The following SERPINB8 variants were observed in gnomAD, a reference collection of about 807,000 sequenced individuals.
The protein encoded by SERPINB8 is serpin B8.
SERPINB8 carries 25 observed loss-of-function variants against 35.3 expected under a neutral mutation model. That is an observed-to-expected ratio of 0.71 (90% CI 0.52 to 0.99). The LOEUF is 0.99. Ranked by LOEUF, SERPINB8 falls within the 50% of genes least tolerant of loss-of-function variation. SERPINB8 has a pLI of 0.00. For synonymous variants in SERPINB8, 186 were observed against 160.8 expected, an observed-to-expected ratio of 1.16 and a Z score of -1.19; for missense variants, 484 against 446.5, an observed-to-expected ratio of 1.08 and a Z score of -0.76.
Position 63,988,462 on chromosome 18 carries a change from C to T in SERPINB8, c.*1184C>T, listed in dbSNP as rs2050794807. On this transcript the variant is annotated 3_prime_UTR_variant, in exon 7 of 7. Transcript: ENST00000397985. ...GTTTTGGATATACTAAATATTTGCT[C>T]ACATCCTTAATATATTTTTTAAAAT... 6.6e-6 allele frequency: 1 copy of T among 152,052 alleles called. No individual in the cohort carries two copies. Among genetic ancestry groups the T allele is most frequent in the African/African-American group, 2.4e-5 (1 of 41,380 alleles). The allele number at this position is 152,052 out of a possible 1,614,324, so 9.4% of individuals were successfully genotyped here. A position where few individuals can be genotyped will look rare whatever the true frequency, so the allele number is the denominator to read the frequency against.
At chr18:63,983,439 C>T (rs1381699784) in intron 4 of SERPINB8, 140 bp from the exon 5 acceptor site, 13 of 727,978 alleles carry the variant, frequency 1.8e-5, no homozygotes, top group Admixed American at 2.4e-5. Context: ...TAAACACCAT[C>T]GCCTAATTCA....
chr18:63,985,233 G>A lies in SERPINB8; in HGVS notation c.708G>A (p.Thr236=), dbSNP rs565450690. Residue 236 remains threonine (T), a synonymous_variant, in exon 6 of 7, where the codon ACG becomes ACA. Transcript: ENST00000397985. ...SMVILLPDDN[T]DLAVVEKALT... ...TCATTCTGCTTCCCGATGACAACAC[G>A]GACCTCGCCGTGGTAAGCTCCAGGC... The A allele has an allele frequency of 6.2e-5, 100 of 1,614,112 alleles. No individual in the cohort carries two copies. In the South Asian group the frequency reaches 8.8e-4, roughly 14 times the overall value.
In SERPINB8 at chr18:63,978,312, G is replaced by C; in HGVS notation, c.4G>C (p.Asp2His). 6.2e-7 allele frequency: 1 copy of C among 1,614,138 alleles called. No individual in the cohort carries two copies. Among genetic ancestry groups the C allele is most frequent in the Non-Finnish European group, 8.5e-7 (1 of 1,180,034 alleles). The change falls in exon 2 of 7, where the codon GAT (aspartate) becomes CAT (histidine). Residue 2 changes from aspartate to histidine, a missense_variant. By Grantham distance (81) the Asp-to-His change is moderately conservative. Coordinates refer to ENST00000397985, the MANE Select transcript of SERPINB8 (RefSeq NM_002640.4). ...CCTTTGATGCAGACCTTCTCTGATG[G>C]ATGACCTCTGTGAAGCAAATGGCAC... Reference protein sequence around the residue: MDDLCEANGTFA... With the variant: MHDLCEANGTFA...
exon 8 of SERPINB8, chr18:64,019,734 T>A (rs2144856356): frequency 6.6e-6 from 1 of 151,686 alleles, no homozygotes; most frequent in South Asian, 2.1e-4. Context: ...AACTCCCGTA[T>A]CAACCTCATC....
chr18:63,981,480 T>C (rs2050669859), intron 3 of SERPINB8, among the ~76,000 whole-genome samples: 1 of 152,166 alleles, frequency 6.6e-6, no homozygotes, highest in Non-Finnish European at 1.5e-5. Context: ...GTCCTGTAAG[T>C]GTCTGGGTGT....
At chr18:64,012,590 T>TGTGC (rs1555659863) in intron 7 of SERPINB8, among the ~76,000 whole-genome samples, 11,406 of 151,350 alleles carry the variant, frequency 0.075, 889 homozygotes, top group African/African-American at 0.21. Flanking sequence ...TGTGTGTGTG[T>TGTGC]GCGTGTGTGT....
chr18:64,017,858 G>A (rs1457469454), intron 7 of SERPINB8, among the ~76,000 whole-genome samples: 1 of 152,078 alleles, frequency 6.6e-6, no homozygotes, highest in Non-Finnish European at 1.5e-5. Context: ...CTGTGCATAT[G>A]GAATTTTTTT....
At chr18:64,014,290 A>C (rs929291058) in intron 7 of SERPINB8, among the ~76,000 whole-genome samples, 1 of 152,210 alleles carries the variant, frequency 6.6e-6, no homozygotes, top group Non-Finnish European at 1.5e-5. Flanking sequence ...AAATTATACA[A>C]GGATTTGGGA....
downstream of SERPINB8, chr18:63,989,452 G>T (rs1343872472): frequency 6.6e-6 from 1 of 152,136 alleles, no homozygotes; most frequent in Non-Finnish European, 1.5e-5. Context: ...CATATGGAAG[G>T]TGTAAGTTTA....
intron 1 of SERPINB8, among the ~76,000 whole-genome samples, chr18:63,999,404 C>T (rs1342919507): frequency 1.3e-5 from 2 of 152,132 alleles, no homozygotes; most frequent in South Asian, 2.1e-4. Context: ...ACTGTAGGAA[C>T]GAAATGACTT....
chr18:63,986,866 T>C lies in SERPINB8; in HGVS notation c.721-8T>C. On this transcript the variant is annotated splice_region_variant and splice_polypyrimidine_tract_variant and intron_variant, in intron 6 of 6. Coordinates refer to ENST00000397985, the MANE Select transcript of SERPINB8 (RefSeq NM_002640.4). The stretch of plus-strand genomic sequence containing the variant: ...TAAATTTTAAGGTTTGAGTCTTTCT[T>C]ATCCTAGGTGGAAAAAGCACTTACA... 1 of 1,596,676 alleles carries C rather than the reference T, an allele frequency of 6.3e-7. No individual in the cohort carries two copies. Among genetic ancestry groups the C allele is most frequent in the Non-Finnish European group, 8.5e-7 (1 of 1,173,274 alleles).
chr18:64,005,044 C>G (rs191709025), exon 2 of SERPINB8: 2 of 392,058 alleles, frequency 5.1e-6, no homozygotes, highest in Non-Finnish European at 9.0e-6. Context: ...TTGGGTCCCA[C>G]AAAACACCTG....
At chr18:63,973,656 A>T (rs2050530318) in intron 1 of SERPINB8, among the ~76,000 whole-genome samples, 1 of 152,182 alleles carries the variant, frequency 6.6e-6, no homozygotes, top group Non-Finnish European at 1.5e-5. Flanking sequence ...TCCATCTTGA[A>T]TTAATTTTTG....
intron 6 of SERPINB8, among the ~76,000 whole-genome samples, chr18:63,985,881 G>T (rs72945629): frequency 0.058 from 8,843 of 152,262 alleles, 371 homozygotes; most frequent in Non-Finnish European, 0.09. Flanking sequence ...AGCTCTGGGA[G>T]GTGGGAGAAG....
At chr18:63,992,049 T>C (rs1568281590), downstream of SERPINB8, among the ~76,000 whole-genome samples, 1 of 152,256 alleles carries the variant, frequency 6.6e-6, no homozygotes, top group South Asian at 2.1e-4. Flanking sequence ...AAAATATTTT[T>C]AGAATTGCTC....
At chr18:63,977,815 A>C (rs1432310758) in intron 1 of SERPINB8, among the ~76,000 whole-genome samples, 5 of 152,220 alleles carry the variant, frequency 3.3e-5, no homozygotes, top group Non-Finnish European at 7.3e-5. Flanking sequence ...TGGCTGAAAA[A>C]TGACACACAT....
intron 4 of SERPINB8, among the ~76,000 whole-genome samples, chr18:63,982,156 G>A (rs2050682470): frequency 6.6e-6 from 1 of 152,150 alleles, no homozygotes; most frequent in Non-Finnish European, 1.5e-5. Context: ...AGACAGAATG[G>A]CATTCAATTA....
chr18:64,009,345 A>T (rs960892630), downstream of SERPINB8, among the ~76,000 whole-genome samples: 6 of 152,212 alleles, frequency 3.9e-5, no homozygotes, highest in Non-Finnish European at 7.4e-5. Flanking sequence ...AAATGTATTT[A>T]AAAATTTACA....
Position 63,997,808 on chromosome 18 carries a change from T to TA in SERPINB8, c.71-7009dup. Among the ~76,000 whole-genome samples, 3 of 152,322 alleles carry TA rather than the reference T, an allele frequency of 2.0e-5. 1 individual carries two copies. Among genetic ancestry groups the TA allele is most frequent in the East Asian group, 3.9e-4 (2 of 5,182 alleles). Reference sequence around the variant, plus strand: ...TTCGGATAAAATTCAATTCTACTCCTAATAAGCTCTTTGTTATCCTTGTGG... The same window carrying TA: ...TTCGGATAAAATTCAATTCTACTCCTAAATAAGCTCTTTGTTATCCTTGTGG... On this transcript the variant is annotated intron_variant, in intron 1 of 1. Coordinates refer to the SERPINB8 transcript ENST00000493661.
Sources: gnomAD v4.1 joint callset for allele counts (sites outside exome capture counted in the v4.1 genomes callset) on GRCh38, gnomAD v4.1.1 for gene constraint, MANE v1.5 for transcripts, NCBI Gene and HGNC (gene_info 2026-07-23, HGNC 2026-07-21) for gene names.